The following RUNX1T1 variants were observed in gnomAD, a reference collection of about 807,000 sequenced individuals.
The protein encoded by RUNX1T1 is RUNX1 partner transcriptional co-repressor 1.
A neutral mutation model predicts 62.8 loss-of-function variants in RUNX1T1; 4 were observed. That is an observed-to-expected ratio of 0.06 (90% CI 0.03 to 0.15). The LOEUF is 0.15. Ranked by LOEUF, RUNX1T1 falls within the 10% of genes least tolerant of loss-of-function variation. The pLI is 1.00. For missense variants in RUNX1T1, 508 were observed against 754.3 expected (o/e 0.67, Z 3.82); for synonymous variants, 291 against 286.0 (o/e 1.02, Z -0.18).
chr8:92,081,739 G>A (rs926861601), intron 1 of RUNX1T1, among the ~76,000 whole-genome samples: 1 of 151,934 alleles, frequency 6.6e-6, no homozygotes, highest in African/African-American at 2.4e-5. Context: ...CATCTCAAGA[G>A]GCTATAACAA....
chr8:92,051,057 T>C (rs1181563519), intron 1 of RUNX1T1, among the ~76,000 whole-genome samples: 2 of 152,198 alleles, frequency 1.3e-5, no homozygotes, highest in Admixed American at 6.5e-5. Flanking sequence ...TAAGTCACTC[T>C]CCAGCCTTTT....
At position 92,081,868 on chromosome 8, in the gene RUNX1T1, A is replaced by G. The variant is rs184182693; in HGVS notation, c.-85-5731T>C. Among the ~76,000 whole-genome samples the G allele has an allele frequency of 4.0e-5, 6 of 151,844 alleles. No homozygotes were observed. In the East Asian group the frequency reaches 1.2e-3, roughly 30 times the overall value. Reference sequence around the variant, plus strand: ...TGTCTCTTGTCTCTCAGAAACTTGGAAAGTTGTGGTATTTTATTTATTTAT... The same window carrying G: ...TGTCTCTTGTCTCTCAGAAACTTGGGAAGTTGTGGTATTTTATTTATTTAT... On this transcript the variant is annotated intron_variant, in intron 1 of 11. Coordinates refer to the RUNX1T1 transcript ENST00000265814.
chr8:92,020,918 GT>G (rs1823959089), intron 1 of RUNX1T1, among the ~76,000 whole-genome samples: 1 of 149,986 alleles, frequency 6.7e-6, no homozygotes, highest in African/African-American at 2.5e-5. Context: ...AGCACCAGAT[GT>G]GTTTCTAAGG....
At chr8:92,033,370 A>G (rs1826619762) in intron 1 of RUNX1T1, among the ~76,000 whole-genome samples, 1 of 152,208 alleles carries the variant, frequency 6.6e-6, no homozygotes, top group Admixed American at 6.5e-5. Context: ...ATTTTAAGAC[A>G]ATTAGATGGA....
intron 2 of RUNX1T1, among the ~76,000 whole-genome samples, chr8:92,016,578 G>A (rs1445153707): frequency 6.6e-6 from 1 of 152,146 alleles, no homozygotes; most frequent in Non-Finnish European, 1.5e-5. Context: ...AGGAGGCTGA[G>A]GCAGGAGAAT....
At chr8:91,958,098 C>A (rs13266235), downstream of RUNX1T1, 4 of 108,870 alleles carry the variant, frequency 3.7e-5, no homozygotes, top group South Asian at 1.4e-3. Context: ...AACCCTCCCC[C>A]CACCCCCCGC....
chr8:92,063,478 C>T (rs1832392444), upstream of RUNX1T1: 1 of 152,152 alleles, frequency 6.6e-6, no homozygotes, highest in African/African-American at 2.4e-5. Flanking sequence ...CTTTGCACAC[C>T]CCTAAATGTT....
rs1816751203 is a variant in RUNX1T1 at position 91,987,188 on chromosome 8, G to C, written c.911-216C>G. 5.9e-5 allele frequency among the ~76,000 whole-genome samples: 9 copies of C among 152,108 alleles called. No individual in the cohort carries two copies. In the South Asian group the frequency reaches 1.9e-3, roughly 31 times the overall value. ...TAGAAGGAATTTTAGAGGTCACCTG[G>C]TCAGAAGCCTTTATTTTACACATAA... On this transcript the variant is annotated intron_variant, in intron 6 of 10. Transcript: ENST00000396218.
intron 1 of RUNX1T1, chr8:92,099,496 T>C (rs1469213629): frequency 7.5e-6 from 2 of 267,766 alleles, no homozygotes; most frequent in African/African-American, 4.6e-5. Flanking sequence ...ATATGATGAA[T>C]AAGGTGTCCA....
At chr8:92,061,693 G>A (rs1462654363) in intron 1 of RUNX1T1, among the ~76,000 whole-genome samples, 1 of 152,170 alleles carries the variant, frequency 6.6e-6, no homozygotes, top group African/African-American at 2.4e-5. Flanking sequence ...TACAAACTCT[G>A]TGACCAAGCA....
chr8:92,038,602 C>T (rs999896665), intron 1 of RUNX1T1, among the ~76,000 whole-genome samples: 5 of 152,020 alleles, frequency 3.3e-5, no homozygotes, highest in African/African-American at 7.2e-5. Flanking sequence ...GGTACAGCCC[C>T]GGACAAGGTG....
At chr8:92,075,453 A>G (rs1193121376) in intron 2 of RUNX1T1, among the ~76,000 whole-genome samples, 1 of 152,230 alleles carries the variant, frequency 6.6e-6, no homozygotes, top group Non-Finnish European at 1.5e-5. Context: ...TAATGTGTCT[A>G]TGGAATGAAC....
At chr8:92,062,735 C>G (rs1232094501) in exon 1 of RUNX1T1, 1 of 1,579,736 alleles carries the variant, frequency 6.3e-7, no homozygotes, top group South Asian at 1.1e-5. Context: ...AGATGGAGAG[C>G]TGACACTCCG....
At chr8:92,089,395 A>G (rs1359690034) in intron 1 of RUNX1T1, among the ~76,000 whole-genome samples, 1 of 152,158 alleles carries the variant, frequency 6.6e-6, no homozygotes, top group Non-Finnish European at 1.5e-5. Context: ...CTTTCCTGAG[A>G]TCTGATTCCT....
chr8:92,004,341 A>AT (rs1414015567), intron 5 of RUNX1T1: 1 of 152,264 alleles, frequency 6.6e-6, no homozygotes, highest in East Asian at 1.9e-4. Context: ...AATGATGCTA[A>AT]TAAGACTTTG....
intron 6 of RUNX1T1, among the ~76,000 whole-genome samples, chr8:91,989,429 G>A (rs1169271168): frequency 6.6e-6 from 1 of 152,070 alleles, no homozygotes; most frequent in East Asian, 1.9e-4. Flanking sequence ...GGTTTTATAA[G>A]CTAATATAAT....
At chr8:92,100,276 A>G (rs888505609), upstream of RUNX1T1, among the ~76,000 whole-genome samples, 12 of 152,176 alleles carry the variant, frequency 7.9e-5, no homozygotes, top group Admixed American at 7.9e-4. Flanking sequence ...TTGTACAAAC[A>G]TAAAAGAAAA....
At chr8:92,091,602 T>C (rs1049927439) in intron 1 of RUNX1T1, among the ~76,000 whole-genome samples, 6 of 152,204 alleles carry the variant, frequency 3.9e-5, no homozygotes, top group African/African-American at 1.4e-4. Context: ...GAAGGGATTA[T>C]GTCTGTGAAT....
chr8:92,025,344 G>A (rs1824941818), intron 1 of RUNX1T1, among the ~76,000 whole-genome samples: 1 of 152,132 alleles, frequency 6.6e-6, no homozygotes, highest in Non-Finnish European at 1.5e-5. Context: ...TCTGGTTCCT[G>A]CAGCTGCTCC....
Sources: gnomAD v4.1 joint callset for allele counts (sites outside exome capture counted in the v4.1 genomes callset) on GRCh38, gnomAD v4.1.1 for gene constraint, MANE v1.5 for transcripts, NCBI Gene and HGNC (gene_info 2026-07-23, HGNC 2026-07-21) for gene names.